The following P2RX2 variants were observed in gnomAD, a reference collection of about 807,000 sequenced individuals.
P2RX2 encodes the protein P2X purinoceptor 2.
Under a neutral mutation model 54.8 loss-of-function variants are expected in P2RX2, and 50 were observed. The ratio of observed to expected loss-of-function variants is 0.91; its 90% confidence interval spans 0.73 to 1.15. P2RX2 has a LOEUF of 1.15. P2RX2 is among the 50% of genes most tolerant of loss of function. P2RX2 has a pLI of 0.00. For synonymous variants in P2RX2, 289 were observed against 259.4 expected (o/e 1.11, Z -1.09); for missense variants, 658 against 633.2 (o/e 1.04, Z -0.42).
Position 132,620,907 on chromosome 12 carries a change from TTGTGA to T in P2RX2, c.775-93_775-89del. Reference sequence around the variant, plus strand: ...CTCTCGAGGGGCCTCTCGTGTGCCCTTGTGACCCCCTTCCCTGGCCTGGGACTGAC... The same window carrying T: ...CTCTCGAGGGGCCTCTCGTGTGCCCTCCCCCTTCCCTGGCCTGGGACTGAC... On this transcript the variant is annotated intron_variant, in intron 7 of 10. Coordinates refer to ENST00000643471, the MANE Select transcript of P2RX2 (RefSeq NM_170682.4). The T allele has an allele frequency of 1.8e-3, 315 of 174,734 alleles. 139 individuals carry two copies. The East Asian group carries it at 0.019, about 11-fold the overall frequency. 10.8% of individuals were successfully genotyped at this position (174,734 alleles called of 1,614,324 possible). A position where few individuals can be genotyped will look rare whatever the true frequency, so the allele number is the denominator to read the frequency against.
Position 132,621,172 on chromosome 12 carries a change from G to C in P2RX2, c.905+41G>C, listed in dbSNP as rs367733581. 216 of 1,613,900 alleles carry C rather than the reference G, an allele frequency of 1.3e-4. 1 individual carries two copies. The highest frequency in any genetic ancestry group is 3.3e-4 in the Admixed American group (20 of 59,998). On this transcript the variant is annotated intron_variant, in intron 8 of 10. Transcript: ENST00000643471. ...CACCGCTGTCCACACTGGCATAGCT[G>C]TGGTGGGGTCCCGAGAGGCCCAATG...
chr12:132,620,404 G>A, intron 6 of P2RX2, 41 bp from the exon 7 acceptor site: 1 of 1,614,062 alleles, frequency 6.2e-7, no homozygotes. Flanking sequence ...CTGGGAATGG[G>A]GTATTTGGGG....
chr12:132,620,895 TCTC>T lies in P2RX2; in HGVS notation c.775-105_775-103del. Reference sequence around the variant, plus strand: ...GACTGACCCGGGCTCTCGAGGGGCCTCTCGTGTGCCCTTGTGACCCCCTTCCCT... The same window carrying T: ...GACTGACCCGGGCTCTCGAGGGGCCTGTGTGCCCTTGTGACCCCCTTCCCT... On this transcript the variant is annotated intron_variant, in intron 7 of 10. Coordinates refer to ENST00000643471, the MANE Select transcript of P2RX2 (RefSeq NM_170682.4). 4 of 347,546 alleles carry T rather than the reference TCTC, an allele frequency of 1.2e-5. 1 individual carries two copies. The highest frequency in any genetic ancestry group is 1.1e-5 in the Non-Finnish European group (3 of 277,550). 21.5% of individuals were successfully genotyped at this position (347,546 alleles called of 1,614,324 possible).
At chr12:132,620,977 C>A (rs779347828) in intron 7 of P2RX2, 24 bp from the exon 8 acceptor site, 2 of 1,605,686 alleles carry the variant, frequency 1.2e-6, no homozygotes, top group Non-Finnish European at 1.7e-6. Context: ...CTCCTGACCC[C>A]CTTCTCTGGC....
In P2RX2 at chr12:132,619,162, GGGCA is replaced by G. The variant is rs1304534598; in HGVS notation, c.173+176_173+179del. ...GGCAGGGGCTGGGATTGGGGGCGCG[GGGCA>G]GGGGCTGGGACTGGGGGCGTGGGGC... On this transcript the variant is annotated intron_variant, in intron 1 of 10. Coordinates refer to ENST00000643471, the MANE Select transcript of P2RX2 (RefSeq NM_170682.4). Among the ~76,000 whole-genome samples the G allele has an allele frequency of 5.1e-3, 504 of 98,292 alleles. 29 individuals are homozygous for G. Among genetic ancestry groups the G allele is most frequent in the Admixed American group, 0.013 (123 of 9,776 alleles). The allele number at this position is 98,292 out of a possible 152,430, so 64.5% of individuals were successfully genotyped here. A position where few individuals can be genotyped will look rare whatever the true frequency, so the allele number is the denominator to read the frequency against.
At chr12:132,619,943 G>T in intron 4 of P2RX2, 24 bp downstream of exon 4, 2 of 1,584,812 alleles carry the variant, frequency 1.3e-6, no homozygotes, top group East Asian at 2.3e-5. Flanking sequence ...AGCTGGGGCT[G>T]GGCGGGTGGG....
At position 132,620,447 on chromosome 12, in the gene P2RX2, G is replaced by T; in HGVS notation, c.638G>T (p.Gly213Val). The T allele has an allele frequency of 6.2e-7, 1 of 1,614,048 alleles. No homozygotes were observed. Residue 213 changes from glycine to valine, a missense_variant and splice_region_variant, in exon 7 of 11, where the codon GGC becomes GTC. By Grantham distance (109) the Gly-to-Val change is moderately radical. Coordinates refer to ENST00000643471, the MANE Select transcript of P2RX2 (RefSeq NM_170682.4). Reference sequence around the variant, plus strand: ...CTCGCCTCCTGCCGCCTCCTCAGGGGCAACATCGCCGACCGCACAGACGGG... The same window carrying T: ...CTCGCCTCCTGCCGCCTCCTCAGGGTCAACATCGCCGACCGCACAGACGGG... Reference protein sequence around the residue: ...IHYPKFHFSKGNIADRTDGYL... With the variant: ...IHYPKFHFSKVNIADRTDGYL...
intron 9 of P2RX2, 59 bp from the exon 10 acceptor site, chr12:132,621,416 T>C (rs2041676940): frequency 1.9e-6 from 3 of 1,601,300 alleles, no homozygotes; most frequent in Non-Finnish European, 2.6e-6. Flanking sequence ...GCCCCACCCC[T>C]CCCTTAAGCC....
At chr12:132,621,405 C>T (rs184957114) in intron 9 of P2RX2, 60 bp downstream of exon 9, 257 of 1,605,468 alleles carry the variant, frequency 1.6e-4, no homozygotes, top group Admixed American at 1.5e-3. Flanking sequence ...GAGCTCCTCA[C>T]GCCCCACCCC....
rs780520481 is a variant in P2RX2, at chr12:132,620,304, CTCA to C, written c.596_598del (p.Ile199del). 8.1e-6 allele frequency: 13 copies of C among 1,614,138 alleles called. No individual in the cohort carries two copies. The African/African-American group carries it at 1.6e-4, about 20-fold the overall frequency. On this transcript the variant is annotated inframe_deletion, in exon 6 of 11. Transcript: ENST00000643471. ...TACGATGGCCCCAAATTTCACCATC[CTCA>C]TCAAGAACAGCATCCACTACCCCAA...
In P2RX2 at chr12:132,621,060, G is replaced by A. The variant is rs973591484; in HGVS notation, c.834G>A (p.Glu278=). 10 of 1,614,078 alleles carry A rather than the reference G, an allele frequency of 6.2e-6. No individual in the cohort carries two copies. The African/African-American group carries it at 1.1e-4, about 17-fold the overall frequency. The change falls in exon 8 of 11, where the codon GAG becomes GAA. Residue 278 remains glutamate, a synonymous_variant. Coordinates refer to ENST00000643471, the MANE Select transcript of P2RX2 (RefSeq NM_170682.4). The stretch of plus-strand genomic sequence containing the variant: ...GTGACCTGGACCTGCCTGCATCGGA[G>A]TGCAACCCCAAGTACTCCTTCCGGA... ...WDCDLDLPAS[E]CNPKYSFRRL...
chr12:132,621,153 T>C, intron 8 of P2RX2, 22 bp downstream of exon 8: 2 of 1,614,044 alleles, frequency 1.2e-6, no homozygotes, highest in African/African-American at 1.3e-5. Context: ...GGGACACCGC[T>C]GTCCACACTG....
chr12:132,619,434 C>T lies in P2RX2; in HGVS notation c.174-5C>T. On this transcript the variant is annotated splice_polypyrimidine_tract_variant and splice_region_variant and intron_variant, in intron 1 of 10. Coordinates refer to ENST00000643471, the MANE Select transcript of P2RX2 (RefSeq NM_170682.4). ...CTCCGGAGCCGGCGCCGCCCCTGCC[C>T]GCAGGTACGTATTCATCGTGCAGAA... The T allele has an allele frequency of 6.2e-7, 1 of 1,611,704 alleles. No homozygotes were observed. The highest frequency in any genetic ancestry group is 8.5e-7 in the Non-Finnish European group (1 of 1,179,196).
Position 132,622,235 on chromosome 12 carries a change from C to A in P2RX2, c.*263C>A. On this transcript the variant is annotated 3_prime_UTR_variant, in exon 11 of 11. Transcript: ENST00000643471. Reference sequence around the variant, plus strand: ...CATCACCTCTCACAGCCACCTGGAACCCAAGCCAGCTGAGCTCTGAGGGGC... The same window carrying A: ...CATCACCTCTCACAGCCACCTGGAAACCAAGCCAGCTGAGCTCTGAGGGGC... 1 of 1,379,016 alleles carries A rather than the reference C, an allele frequency of 7.3e-7. No individual in the cohort carries two copies. The highest frequency in any genetic ancestry group is 1.5e-5 in the African/African-American group (1 of 68,020). The allele number at this position is 1,379,016 out of a possible 1,614,324, so 85.4% of individuals were successfully genotyped here. A position where few individuals can be genotyped will look rare whatever the true frequency, so the allele number is the denominator to read the frequency against.
chr12:132,620,689 C>T (rs1042471606), intron 7 of P2RX2, 106 bp downstream of exon 7: 12 of 1,258,958 alleles, frequency 9.5e-6, no homozygotes, highest in South Asian at 2.7e-5. Flanking sequence ...CAGCTGGCCC[C>T]GCTCAGGCAG....
rs1423659362 is a variant in P2RX2, at chr12:132,622,200, G to C, written c.*228G>C. 4.3e-6 allele frequency: 6 copies of C among 1,401,974 alleles called. No individual in the cohort carries two copies. Among genetic ancestry groups the C allele is most frequent in the Non-Finnish European group, 5.5e-6 (6 of 1,082,888 alleles). 86.8% of individuals were successfully genotyped at this position (1,401,974 alleles called of 1,614,324 possible). ...CTCCCCAGCTGGTCCCTACAGGGCT[G>C]CTCACTTCCCATCACCTCTCACAGC... On this transcript the variant is annotated 3_prime_UTR_variant, in exon 11 of 11. Transcript: ENST00000643471.
In P2RX2 at chr12:132,620,311, A is replaced by T; in HGVS notation, c.599A>T (p.Lys200Met). ...GCCCCAAATTTCACCATCCTCATCAAGAACAGCATCCACTACCCCAAATTC... is the reference window on the plus strand; with the variant it reads ...GCCCCAAATTTCACCATCCTCATCATGAACAGCATCCACTACCCCAAATTC... ...TMAPNFTILI[K>M]NSIHYPKFHF... Residue 200 changes from lysine (K) to methionine (M), a missense_variant, in exon 6 of 11, where the codon AAG becomes ATG. Coordinates refer to ENST00000643471, the MANE Select transcript of P2RX2 (RefSeq NM_170682.4). 6.2e-7 allele frequency: 1 copy of T among 1,614,100 alleles called. No individual in the cohort carries two copies.
In P2RX2 at chr12:132,621,059, A is replaced by G. The variant is rs1402634738; in HGVS notation, c.833A>G (p.Glu278Gly). ...TGTGACCTGGACCTGCCTGCATCGG[A>G]GTGCAACCCCAAGTACTCCTTCCGG... ...WDCDLDLPAS[E>G]CNPKYSFRRL... is the part of the protein sequence containing the mutation. Residue 278 changes from glutamate (E) to glycine (G), a missense_variant, in exon 8 of 11, where the codon GAG (glutamate) becomes GGG (glycine). By Grantham distance (98) the Glu-to-Gly change is moderately conservative. Coordinates refer to ENST00000643471, the MANE Select transcript of P2RX2 (RefSeq NM_170682.4). The G allele has an allele frequency of 1.2e-6, 2 of 1,614,130 alleles. No homozygotes were observed. Among genetic ancestry groups the G allele is most frequent in the Non-Finnish European group, 1.7e-6 (2 of 1,179,988 alleles).
chr12:132,622,062 A>C lies in P2RX2; in HGVS notation c.*90A>C. On this transcript the variant is annotated 3_prime_UTR_variant, in exon 11 of 11. Coordinates refer to ENST00000643471, the MANE Select transcript of P2RX2 (RefSeq NM_170682.4). ...ACCTGCACGTGGACGTGGGCACCTC[A>C]GTAGCGGAGCATCTCCACGAAACGG... is the stretch of plus-strand genomic sequence containing the variant. The C allele has an allele frequency of 1.3e-6, 2 of 1,579,136 alleles. No individual in the cohort carries two copies. Among genetic ancestry groups the C allele is most frequent in the Non-Finnish European group, 1.7e-6 (2 of 1,165,292 alleles).
Sources: gnomAD v4.1 joint callset for allele counts (sites outside exome capture counted in the v4.1 genomes callset) on GRCh38, gnomAD v4.1.1 for gene constraint, MANE v1.5 for transcripts, NCBI Gene and HGNC (gene_info 2026-07-23, HGNC 2026-07-21) for gene names.